Variants in SLC25A21 observed in about 807,000 individuals in gnomAD.
SLC25A21 encodes the protein solute carrier family 25 member 21.
In SLC25A21, 47 loss-of-function variants were observed where a neutral mutation model predicts 43.8. The ratio of observed to expected loss-of-function variants is 1.07; its 90% CI spans 0.85 to 1.37. The LOEUF is 1.37. Ranked by LOEUF, SLC25A21 falls within the 40% of genes most tolerant of loss-of-function variation. The pLI is 0.00. For synonymous variants in SLC25A21, 131 were observed against 121.3 expected (o/e 1.08, Z -0.52); for missense variants, 352 against 350.2 (o/e 1.00, Z -0.04).
intron 1 of SLC25A21, among the ~76,000 whole-genome samples, chr14:36,921,371 C>G (rs184357901): frequency 1.3e-5 from 2 of 152,074 alleles, no homozygotes; most frequent in Admixed American, 1.3e-4. Context: ...CATCCTGGGC[C>G]CTGGAGATGC....
intron 1 of SLC25A21, among the ~76,000 whole-genome samples, chr14:36,894,659 C>A (rs1183300): frequency 6.6e-6 from 1 of 151,778 alleles, no homozygotes; most frequent in African/African-American, 2.4e-5. Flanking sequence ...CCATTCAGTA[C>A]GATATTGGCT....
chr14:36,915,598 C>A, intron 1 of SLC25A21, among the ~76,000 whole-genome samples: 1 of 152,054 alleles, frequency 6.6e-6, no homozygotes, highest in East Asian at 1.9e-4. Context: ...AGGATCATGC[C>A]CTTTAGCTTG....
chr14:36,782,993 AT>A (rs1887124351), intron 3 of SLC25A21, among the ~76,000 whole-genome samples: 2 of 150,628 alleles, frequency 1.3e-5, no homozygotes, highest in Non-Finnish European at 3.0e-5. Flanking sequence ...AATAAAAAAA[AT>A]AAAAATAAAA....
chr14:36,866,508 C>G (rs74315875), intron 2 of SLC25A21, among the ~76,000 whole-genome samples: 2,741 of 152,230 alleles, frequency 0.018, 47 homozygotes, highest in African/African-American at 0.032. Context: ...TTCCATAAAT[C>G]CTTGGGGTTT....
At chr14:36,713,976 G>T (rs1884005007) in intron 6 of SLC25A21, among the ~76,000 whole-genome samples, 1 of 151,996 alleles carries the variant, frequency 6.6e-6, no homozygotes, top group African/African-American at 2.4e-5. Context: ...ACAGGCTCCA[G>T]CCTGGATGAC....
chr14:36,972,249 G>C (rs963598510), intron 1 of SLC25A21, among the ~76,000 whole-genome samples: 5 of 152,146 alleles, frequency 3.3e-5, no homozygotes, highest in African/African-American at 1.2e-4. Context: ...TTAGGTTTGT[G>C]TAAGTACCCT....
At chr14:36,931,840 T>C (rs1331581400) in intron 1 of SLC25A21, among the ~76,000 whole-genome samples, 2 of 152,166 alleles carry the variant, frequency 1.3e-5, no homozygotes, top group Non-Finnish European at 2.9e-5. Flanking sequence ...TGAGTACTTA[T>C]GTGAATGGAG....
At chr14:37,037,327 C>T (rs1594763035) in intron 1 of SLC25A21, among the ~76,000 whole-genome samples, 1 of 152,130 alleles carries the variant, frequency 6.6e-6, no homozygotes, top group African/African-American at 2.4e-5. Flanking sequence ...CTTCAGTATC[C>T]ACTATTGAGT....
intron 1 of SLC25A21, among the ~76,000 whole-genome samples, chr14:36,990,767 G>A (rs983037912): frequency 6.6e-6 from 1 of 152,018 alleles, no homozygotes; most frequent in Admixed American, 6.6e-5. Flanking sequence ...TGTAGTCACA[G>A]ATACTTGGTA....
intron 1 of SLC25A21, among the ~76,000 whole-genome samples, chr14:37,018,970 T>C (rs1043378555): frequency 6.6e-6 from 1 of 152,024 alleles, no homozygotes; most frequent in Non-Finnish European, 1.5e-5. Flanking sequence ...TATCCCAGGA[T>C]CTACAGTTTG....
At chr14:36,905,756 A>G (rs748210362) in intron 1 of SLC25A21, among the ~76,000 whole-genome samples, 1 of 152,208 alleles carries the variant, frequency 6.6e-6, no homozygotes, top group African/African-American at 2.4e-5. Flanking sequence ...AGGCAAATGA[A>G]GGACATCTGA....
chr14:36,874,888 A>T, intron 2 of SLC25A21, 68 bp downstream of exon 2: 2 of 1,335,776 alleles, frequency 1.5e-6, no homozygotes, highest in Non-Finnish European at 2.1e-6. Flanking sequence ...CCTAGCATTT[A>T]GTGCTCTGAC....
At chr14:37,098,075 C>T (rs981788695) in intron 1 of SLC25A21, 2 of 152,022 alleles carry the variant, frequency 1.3e-5, no homozygotes, top group South Asian at 2.1e-4. Context: ...TAAAGATATA[C>T]ATGCAATTTC....
At position 36,963,776 on chromosome 14, in the gene SLC25A21, C is replaced by T. The variant is rs80009515; in HGVS notation, c.71-88772G>A. Among the ~76,000 whole-genome samples, 1,513 of 152,140 alleles carry T rather than the reference C, an allele frequency of 9.9e-3. 23 individuals carry two copies. The highest frequency in any genetic ancestry group is 0.034 in the African/African-American group (1,429 of 41,518). ...TACCCAGTGACCCCTCGTTACCCTG[C>T]GCAACCCAGAGGGATCATGGCTAGA... On this transcript the variant is annotated intron_variant, in intron 1 of 9. Transcript: ENST00000331299.
At chr14:36,733,607 G>C (rs968537901) in intron 4 of SLC25A21, among the ~76,000 whole-genome samples, 1 of 152,130 alleles carries the variant, frequency 6.6e-6, no homozygotes, top group Non-Finnish European at 1.5e-5. Flanking sequence ...TATATGAACT[G>C]TTCCTTCTTG....
intron 1 of SLC25A21, among the ~76,000 whole-genome samples, chr14:37,135,385 C>A (rs925387189): frequency 2.0e-5 from 3 of 151,984 alleles, no homozygotes; most frequent in Admixed American, 2.0e-4. Flanking sequence ...GGGAACAGAG[C>A]AAGATCCTAT....
chr14:36,954,385 C>T (rs938124279), intron 1 of SLC25A21, among the ~76,000 whole-genome samples: 2 of 152,084 alleles, frequency 1.3e-5, no homozygotes, highest in Admixed American at 6.6e-5. Flanking sequence ...TTACTAACTA[C>T]AGAGGAAGGC....
intron 7 of SLC25A21, 22 bp downstream of exon 7, chr14:36,711,296 T>C (rs1265936085): frequency 1.9e-6 from 3 of 1,609,362 alleles, no homozygotes. Context: ...TCCTCCAGGA[T>C]TTTAATTTAT....
At chr14:36,768,933 C>CCA (rs374956141) in intron 3 of SLC25A21, among the ~76,000 whole-genome samples, 1 of 126,094 alleles carries the variant, frequency 7.9e-6, no homozygotes, top group East Asian at 2.2e-4. Context: ...CTGTCTCTAC[C>CCA]AAAAAAAAAA....
Sources: allele counts gnomAD v4.1 joint callset (sites outside exome capture counted in the v4.1 genomes callset), GRCh38; gene constraint gnomAD v4.1.1; transcripts MANE v1.5; gene names NCBI Gene and HGNC (gene_info 2026-07-23, HGNC 2026-07-21).